The following ITGAM variants were observed in gnomAD, a reference collection of about 807,000 sequenced individuals.
ITGAM encodes integrin subunit alpha M.
A neutral mutation model predicts 137.5 loss-of-function variants in ITGAM; 79 were observed. That is an observed-to-expected ratio of 0.57 (90% CI 0.48 to 0.69). The LOEUF (loss-of-function observed/expected upper bound fraction) is 0.69. ITGAM is among the 30% of genes least tolerant of loss of function. ITGAM has a pLI of 0.00. For missense variants in ITGAM, 1,343 were observed against 1,483.5 expected (o/e 0.91, Z 1.56); for synonymous variants, 583 against 592.3 (o/e 0.98, Z 0.23).
At chr16:31,331,515 T>TA in intron 29 of ITGAM, 121 bp from the exon 30 acceptor site, 10 of 456,998 alleles carry the variant, frequency 2.2e-5, no homozygotes, top group Non-Finnish European at 3.3e-5. Context: ...GTCACTCCCC[T>TA]CCCGCCCCGC....
At chr16:31,327,120 A>T in intron 22 of ITGAM, 185 bp downstream of exon 22, 1 of 633,022 alleles carries the variant, frequency 1.6e-6, no homozygotes, top group Non-Finnish European at 2.8e-6. Context: ...ATGGTGGTGG[A>T]TCAGACGATA....
intron 14 of ITGAM, among the ~76,000 whole-genome samples, chr16:31,309,823 C>CAGA (rs1042302296): frequency 6.6e-6 from 1 of 152,110 alleles, no homozygotes; most frequent in Non-Finnish European, 1.5e-5. Flanking sequence ...GTGCTTCCTT[C>CAGA]AGGAGCTCTT....
chr16:31,282,646 C>T (rs914188605), intron 12 of ITGAM, among the ~76,000 whole-genome samples: 18 of 152,138 alleles, frequency 1.2e-4, no homozygotes, highest in East Asian at 1.2e-3. Flanking sequence ...GAATACAGCA[C>T]ACTGATGGGT....
chr16:31,327,622 A>AATAAT (rs1567281793), intron 22 of ITGAM, among the ~76,000 whole-genome samples: 74 of 148,442 alleles, frequency 5.0e-4, no homozygotes, highest in African/African-American at 1.8e-3. Context: ...ATAATAATAA[A>AATAAT]AAATAAAAGG....
chr16:31,327,900 G>A (rs914498159), intron 22 of ITGAM: 1 of 511,118 alleles, frequency 2.0e-6, no homozygotes, highest in African/African-American at 1.9e-5. Flanking sequence ...TCTTCAGGAG[G>A]GCTGGCGATT....
At chr16:31,325,683 C>T in intron 21 of ITGAM, 61 bp downstream of exon 21, 1 of 1,566,068 alleles carries the variant, frequency 6.4e-7, no homozygotes, top group Non-Finnish European at 8.6e-7. Context: ...TTCTTTTCTT[C>T]TTCTTCTCTT....
rs755336413 is a variant in ITGAM at position 31,270,935 on chromosome 16, C to T, written c.428-19C>T. On this transcript the variant is annotated intron_variant, in intron 5 of 29. Transcript: ENST00000544665. ...CAAGTGTCAAATTACTTGATTCATA[C>T]TCTTTTCCCCTTCCCCAGGGTGTCC... 1.4e-6 allele frequency: 2 copies of T among 1,445,616 alleles called. No individual in the cohort carries two copies. Among genetic ancestry groups the T allele is most frequent in the Middle Eastern group, 1.8e-4 (1 of 5,426 alleles). The allele number at this position is 1,445,616 out of a possible 1,614,324, so 89.5% of individuals were successfully genotyped here. A position where few individuals can be genotyped will look rare whatever the true frequency, so the allele number is the denominator to read the frequency against.
At chr16:31,312,440 T>G (rs2080344041) in intron 14 of ITGAM, among the ~76,000 whole-genome samples, 1 of 152,168 alleles carries the variant, frequency 6.6e-6, no homozygotes, top group African/African-American at 2.4e-5. Context: ...ATTATTATTA[T>G]TTTTGAGACA....
At chr16:31,264,531 C>A (rs554645442) in intron 2 of ITGAM, among the ~76,000 whole-genome samples, 1 of 152,100 alleles carries the variant, frequency 6.6e-6, no homozygotes, top group East Asian at 1.9e-4. Flanking sequence ...GTAATTCTAA[C>A]ACTTTGGGAG....
chr16:31,270,812 A>G (rs573441107), intron 5 of ITGAM, 142 bp from the exon 6 acceptor site: 96 of 173,962 alleles, frequency 5.5e-4, no homozygotes, highest in African/African-American at 2.4e-3. Context: ...ATTATACATA[A>G]TTTATATATA....
In ITGAM at chr16:31,273,496, G is replaced by A. The variant is rs1176435899; in HGVS notation, c.836G>A (p.Gly279Glu). The A allele has an allele frequency of 6.2e-7, 1 of 1,613,754 alleles. No individual in the cohort carries two copies. Among genetic ancestry groups the A allele is most frequent in the East Asian group, 2.2e-5 (1 of 44,886 alleles). Residue 279 changes from glycine to glutamate, a missense_variant, in exon 8 of 30, where the codon GGA (glycine) becomes GAA (glutamate). Physicochemically the swap from Gly to Glu is moderately conservative, Grantham distance 98 (BLOSUM62 -2). Transcript: ENST00000544665. Reference protein sequence around the residue: ...EDVIPEADREGVIRYVIGVGD... With the variant: ...EDVIPEADREEVIRYVIGVGD... ...GTCATCCCTGAGGCAGACAGAGAGG[G>A]AGTCATTCGCTACGTCATTGGGGTA... is the stretch of plus-strand genomic sequence containing the variant.
chr16:31,265,413 C>G lies in ITGAM; in HGVS notation c.153C>G (p.Pro51=), dbSNP rs1257927002. 1.2e-5 allele frequency: 19 copies of G among 1,605,542 alleles called. No homozygotes were observed. The highest frequency in any genetic ancestry group is 1.7e-5 in the Admixed American group (1 of 58,846). The change falls in exon 3 of 30, where the codon CCC becomes CCG. Residue 51 remains proline (P), a synonymous_variant. Coordinates refer to ENST00000544665, the MANE Select transcript of ITGAM (RefSeq NM_000632.4). ...CCCACAGGGTGGTGGTTGGAGCCCCCCAGGAGATAGTGGCTGCCAACCAAA... is the reference window on the plus strand; with the variant it reads ...CCCACAGGGTGGTGGTTGGAGCCCCGCAGGAGATAGTGGCTGCCAACCAAA... ...LQGSRVVVGA[P]QEIVAANQRG... is the part of the protein sequence containing the mutation.
chr16:31,331,782 C>A lies in ITGAM; in HGVS notation c.*75C>A. The stretch of plus-strand genomic sequence containing the variant: ...CAGACCACACGTAGCCCCCAGGCTG[C>A]TGGACACGTCGGACAGCGAAGTATC... On this transcript the variant is annotated 3_prime_UTR_variant, in exon 30 of 30. Coordinates refer to ENST00000544665, the MANE Select transcript of ITGAM (RefSeq NM_000632.4). 8.4e-7 allele frequency: 1 copy of A among 1,191,256 alleles called. No homozygotes were observed. Among genetic ancestry groups the A allele is most frequent in the Middle Eastern group, 2.0e-4 (1 of 5,000 alleles). 73.8% of individuals were successfully genotyped at this position (1,191,256 alleles called of 1,614,324 possible). A position where few individuals can be genotyped will look rare whatever the true frequency, so the allele number is the denominator to read the frequency against.
chr16:31,330,815 A>T (rs1446567038), intron 28 of ITGAM, among the ~76,000 whole-genome samples: 1 of 149,696 alleles, frequency 6.7e-6, no homozygotes, highest in Non-Finnish European at 1.5e-5. Context: ...CAGACAAAGG[A>T]GAGAGAGATA....
At chr16:31,283,225 T>C (rs1021091459) in intron 12 of ITGAM, among the ~76,000 whole-genome samples, 1 of 152,192 alleles carries the variant, frequency 6.6e-6, no homozygotes, top group Non-Finnish European at 1.5e-5. Context: ...AGGAGTATCT[T>C]TGTGGTGTTC....
chr16:31,317,035 A>G (rs748058589), intron 14 of ITGAM, among the ~76,000 whole-genome samples: 9 of 152,272 alleles, frequency 5.9e-5, no homozygotes, highest in Non-Finnish European at 1.0e-4. Flanking sequence ...GATCATGTCA[A>G]TTGCAAACAG....
chr16:31,308,738 G>A (rs565103017), intron 14 of ITGAM, among the ~76,000 whole-genome samples: 5 of 152,278 alleles, frequency 3.3e-5, no homozygotes, highest in Admixed American at 2.6e-4. Flanking sequence ...TTTTAATTGC[G>A]ATGTTAGGGT....
chr16:31,270,743 A>ATTTTT (rs1475429642), intron 5 of ITGAM, among the ~76,000 whole-genome samples: 6 of 106,194 alleles, frequency 5.7e-5, no homozygotes, highest in African/African-American at 9.5e-5. Context: ...ATATATATAT[A>ATTTTT]TGTTTTTAAC....
intron 12 of ITGAM, among the ~76,000 whole-genome samples, chr16:31,291,388 T>C (rs992676440): frequency 3.3e-5 from 5 of 152,182 alleles, no homozygotes; most frequent in African/African-American, 1.2e-4. Flanking sequence ...GGTAGTTCCA[T>C]TTTTAGTTTT....
Sources: allele counts gnomAD v4.1 joint callset (sites outside exome capture counted in the v4.1 genomes callset), GRCh38; gene constraint gnomAD v4.1.1; transcripts MANE v1.5; gene names NCBI Gene and HGNC (gene_info 2026-07-23, HGNC 2026-07-21).